Variants in CACNA1B observed in about 807,000 individuals in gnomAD.
CACNA1B encodes calcium voltage-gated channel subunit alpha1 B.
A neutral mutation model predicts 247.2 loss-of-function variants in CACNA1B; 70 were observed. The ratio of observed to expected loss-of-function variants is 0.28; its 90% CI spans 0.23 to 0.35. The LOEUF is 0.35. CACNA1B is among the 10% of genes least tolerant of loss of function. The pLI, the probability that CACNA1B is intolerant of heterozygous loss-of-function variation, is 1.00. For missense variants in CACNA1B, 2,367 were observed against 3,197.4 expected (o/e 0.74, Z 6.26); for synonymous variants, 1,231 against 1,294.4 (o/e 0.95, Z 1.05).
chr9:138,023,338 C>A lies in CACNA1B; in HGVS notation c.2595C>A (p.Asp865Glu), dbSNP rs772534614. Residue 865 changes from aspartate (D) to glutamate (E), a missense_variant, in exon 19 of 47, where the codon GAC (aspartate) becomes GAA (glutamate). Asp to Glu is a conservative substitution (Grantham distance 45, BLOSUM62 2). This residue lies in a region of CACNA1B where 631 missense variants were observed against 631.1 expected (regional missense o/e 1.00). Transcript: ENST00000371372. ...RDKDKTPAAG[D>E]QDRAEAPKAE... The stretch of plus-strand genomic sequence containing the variant: ...AGGACAAGACCCCCGCGGCGGGGGA[C>A]CAGGACCGAGCAGAGGCCCCGAAGG... The A allele has an allele frequency of 5.4e-6, 8 of 1,486,728 alleles. No individual in the cohort carries two copies. The Admixed American group carries it at 6.9e-5, about 13-fold the overall frequency. The allele number at this position is 1,486,728 out of a possible 1,614,324, so 92.1% of individuals were successfully genotyped here. A position where few individuals can be genotyped will look rare whatever the true frequency, so the allele number is the denominator to read the frequency against.
chr9:138,120,581 G>A (rs199822895), intron 45 of CACNA1B, 50 bp from the exon 46 acceptor site: 24 of 1,463,624 alleles, frequency 1.6e-5, no homozygotes, highest in Non-Finnish European at 2.1e-5. Context: ...GGGGGTCAGG[G>A]GTCCCTGCCT....
At chr9:137,958,362 A>C (rs1957973341) in intron 10 of CACNA1B, among the ~76,000 whole-genome samples, 1 of 152,196 alleles carries the variant, frequency 6.6e-6, no homozygotes, top group South Asian at 2.1e-4. Flanking sequence ...TAACACACAC[A>C]AACACTCATA....
chr9:138,031,676 A>G (rs1958989947), intron 20 of CACNA1B, among the ~76,000 whole-genome samples: 2 of 152,142 alleles, frequency 1.3e-5, no homozygotes, highest in South Asian at 4.2e-4. Flanking sequence ...ATGTGTTTGC[A>G]GTTCTGTTTT....
At chr9:138,066,164 G>T (rs28576345) in intron 31 of CACNA1B, among the ~76,000 whole-genome samples, 31,003 of 152,248 alleles carry the variant, frequency 0.2, 9,191 homozygotes, top group African/African-American at 0.65. Flanking sequence ...GCTCCTTCCT[G>T]CAGGGGAGCT....
chr9:137,924,331 C>T (rs1589010382), intron 6 of CACNA1B, among the ~76,000 whole-genome samples: 2 of 148,838 alleles, frequency 1.3e-5, no homozygotes, highest in Admixed American at 1.3e-4. Flanking sequence ...CTTCCTCCCT[C>T]CCTTCCTTCC....
At chr9:137,889,848 C>T (rs566654791) in intron 3 of CACNA1B, among the ~76,000 whole-genome samples, 12 of 147,032 alleles carry the variant, frequency 8.2e-5, no homozygotes, top group African/African-American at 2.2e-4. Flanking sequence ...CCCATGCCCC[C>T]GCTCTCTTTC....
chr9:138,067,619 A>C (rs146244164), intron 31 of CACNA1B, among the ~76,000 whole-genome samples: 14 of 152,362 alleles, frequency 9.2e-5, no homozygotes, highest in Non-Finnish European at 1.6e-4. Flanking sequence ...GAATCGCTTG[A>C]ACCCAGGAGG....
chr9:138,090,643 TA>T (rs1178030821), intron 36 of CACNA1B, among the ~76,000 whole-genome samples: 1 of 132,162 alleles, frequency 7.6e-6, no homozygotes, highest in Non-Finnish European at 1.5e-5. Context: ...TATTGCAAAC[TA>T]TTTATCTGAC....
Position 138,052,249 on chromosome 9 carries a change from C to CTTGTGTGCGTGTGT in CACNA1B, c.3807+61_3807+62insTTGTGTGCGTGTGT. On this transcript the variant is annotated intron_variant, in intron 25 of 46. Transcript: ENST00000371372. The surrounding 1 kb of genome is among the most constrained non-coding windows in gnomAD (Gnocchi z 5.1). ...GTGTGTGTGTGCGTGTGTGTGTGTGCGTGTGTGTGTGTGTATGCATGCAGT... is the reference window on the plus strand; with the variant it reads ...GTGTGTGTGTGCGTGTGTGTGTGTGCTTGTGTGCGTGTGTGTGTGTGTGTGTGTATGCATGCAGT... 1.3e-6 allele frequency: 1 copy of CTTGTGTGCGTGTGT among 779,168 alleles called. No individual in the cohort carries two copies. 48.3% of individuals were successfully genotyped at this position (779,168 alleles called of 1,614,324 possible).
intron 12 of CACNA1B, among the ~76,000 whole-genome samples, chr9:137,982,555 G>T (rs548153062): frequency 2.3e-4 from 35 of 152,238 alleles, no homozygotes; most frequent in Non-Finnish European, 4.4e-4. Context: ...GGGTGGTAGG[G>T]ATTACTGAGG....
At chr9:137,946,360 G>A in intron 6 of CACNA1B, among the ~76,000 whole-genome samples, 1 of 152,150 alleles carries the variant, frequency 6.6e-6, no homozygotes, top group East Asian at 1.9e-4. Context: ...TTTAGCATAA[G>A]AAAAGAGGGT....
At chr9:137,945,441 A>G (rs536834209) in intron 6 of CACNA1B, among the ~76,000 whole-genome samples, 14 of 152,356 alleles carry the variant, frequency 9.2e-5, no homozygotes, top group African/African-American at 3.1e-4. Flanking sequence ...TTTGTCAGAT[A>G]TGTCTGACCT....
intron 7 of CACNA1B, among the ~76,000 whole-genome samples, chr9:137,953,532 C>T (rs536894631): frequency 6.6e-5 from 10 of 152,244 alleles, no homozygotes; most frequent in African/African-American, 2.4e-4. Context: ...GCAGGCCTCT[C>T]CAAAAGCCTC....
At position 137,936,248 on chromosome 9, in the gene CACNA1B, G is replaced by C. The variant is rs142102322; in HGVS notation, c.967-16026G>C. Among the ~76,000 whole-genome samples, 41 of 152,346 alleles carry C rather than the reference G, an allele frequency of 2.7e-4. 1 individual carries two copies. Among genetic ancestry groups the C allele is most frequent in the African/African-American group, 8.9e-4 (37 of 41,582 alleles). ...TTGCATTTCTCTGATGACCAGTGAT[G>C]ATGAGCGTTTTTTCATGTGCCTGTT... On this transcript the variant is annotated intron_variant, in intron 6 of 46. Transcript: ENST00000371372.
At chr9:138,079,225 G>A (rs748869667) in intron 36 of CACNA1B, among the ~76,000 whole-genome samples, 3 of 152,094 alleles carry the variant, frequency 2.0e-5, no homozygotes, top group Non-Finnish European at 4.4e-5. Flanking sequence ...AGGTGACTCT[G>A]TGTGTGTTGA....
At position 138,047,029 on chromosome 9, in the gene CACNA1B, A is replaced by G; in HGVS notation, c.3539A>G (p.Asn1180Ser). The G allele has an allele frequency of 6.2e-7, 1 of 1,608,528 alleles. No individual in the cohort carries two copies. Among genetic ancestry groups the G allele is most frequent in the Non-Finnish European group, 8.5e-7 (1 of 1,176,286 alleles). The part of the protein sequence containing the change: ...EDPVRTDSPR[N>S]NALKYLDYIF... ...CCAGTGCGCACAGACTCGCCCAGGA[A>G]CAACGTGAGTGGCCCGGATGGCCGG... The change falls in exon 22 of 47, where the codon AAC becomes AGC. Residue 1180 changes from asparagine (N) to serine (S), a missense_variant. Physicochemically the swap from Asn to Ser is conservative, Grantham distance 46 (BLOSUM62 1). Coordinates refer to ENST00000371372, the MANE Select transcript of CACNA1B (RefSeq NM_000718.4).
chr9:137,969,348 T>C (rs1289362379), intron 10 of CACNA1B, among the ~76,000 whole-genome samples: 3 of 152,190 alleles, frequency 2.0e-5, no homozygotes, highest in Admixed American at 2.0e-4. Flanking sequence ...GGCATGACTA[T>C]GGTTGTGCCT....
intron 36 of CACNA1B, among the ~76,000 whole-genome samples, chr9:138,081,598 A>C (rs955338984): frequency 1.3e-5 from 2 of 151,246 alleles, no homozygotes; most frequent in African/African-American, 2.4e-5. Context: ...GAGGTTGTTC[A>C]TGACAGCCTG....
intron 3 of CACNA1B, among the ~76,000 whole-genome samples, chr9:137,900,535 ATGTCTGTGC>A (rs1957223816): frequency 9.8e-6 from 1 of 102,520 alleles, no homozygotes; most frequent in Non-Finnish European, 2.0e-5. Context: ...CCGTGTGTCC[ATGTCTGTGC>A]TGTGTGTCTC....
Sources: gnomAD v4.1 joint callset for allele counts (sites outside exome capture counted in the v4.1 genomes callset) on GRCh38, gnomAD v4.1.1 for gene constraint, gnomAD v4.1.1 regional missense constraint, Gnocchi (gnomAD v3.1) non-coding constraint, MANE v1.5 for transcripts, NCBI Gene and HGNC (gene_info 2026-07-23, HGNC 2026-07-21) for gene names.